EFEMP1: variants seen among roughly 807,000 people sequenced by gnomAD.
EFEMP1 encodes the protein EGF-like fibulin extracellular matrix protein 1, also known as EGF-containing fibulin-like extracellular matrix protein 1.
In EFEMP1, 18 loss-of-function variants were observed where a neutral mutation model predicts 65.7. The observed-to-expected ratio is 0.27, with a 90% CI of 0.19 to 0.41. The LOEUF is 0.41. Ranked by LOEUF, EFEMP1 falls within the 10% of genes least tolerant of loss-of-function variation. The pLI is 1.00. For missense variants in EFEMP1, 469 were observed against 624.8 expected, an observed-to-expected ratio of 0.75 and a Z score of 2.66; for synonymous variants, 237 against 219.7, an observed-to-expected ratio of 1.08 and a Z score of -0.70.
chr2:55,909,140 G>C (rs1670389051), intron 5 of EFEMP1, among the ~76,000 whole-genome samples: 2 of 152,040 alleles, frequency 1.3e-5, no homozygotes, highest in Admixed American at 1.3e-4. Context: ...ATTTATAGTT[G>C]GGAAATATAC....
intron 7 of EFEMP1, among the ~76,000 whole-genome samples, 196 bp from the exon 8 acceptor site, chr2:55,876,938 A>G (rs1360808048): frequency 6.6e-6 from 1 of 152,128 alleles, no homozygotes; most frequent in Non-Finnish European, 1.5e-5. Flanking sequence ...TGTTGGAACA[A>G]CTACAAACGT....
chr2:55,887,065 A>T (rs1157933461), intron 5 of EFEMP1, among the ~76,000 whole-genome samples: 1 of 152,178 alleles, frequency 6.6e-6, no homozygotes, highest in Non-Finnish European at 1.5e-5. Flanking sequence ...TTGATTGGGA[A>T]GGCAGAATTA....
intron 5 of EFEMP1, among the ~76,000 whole-genome samples, chr2:55,910,577 A>G (rs956857018): frequency 2.0e-5 from 3 of 152,200 alleles, no homozygotes; most frequent in Non-Finnish European, 4.4e-5. Flanking sequence ...GGATAAATAA[A>G]TAATGAGCCA....
intron 5 of EFEMP1, among the ~76,000 whole-genome samples, chr2:55,902,771 C>T (rs1357278233): frequency 6.6e-6 from 1 of 152,208 alleles, no homozygotes; most frequent in Non-Finnish European, 1.5e-5. Context: ...AATGCACCTG[C>T]ATTCTTCCCA....
chr2:55,906,547 T>G (rs1385270654), intron 5 of EFEMP1, among the ~76,000 whole-genome samples: 4 of 148,544 alleles, frequency 2.7e-5, no homozygotes, highest in Admixed American at 2.7e-4. Flanking sequence ...TTTACCAGCT[T>G]GTATGGGAGG....
intron 5 of EFEMP1, among the ~76,000 whole-genome samples, chr2:55,914,128 T>G (rs1180876921): frequency 2.6e-5 from 4 of 152,128 alleles, no homozygotes; most frequent in African/African-American, 9.7e-5. Flanking sequence ...GAGTATCTGT[T>G]GTCTTTGAGG....
chr2:55,918,689 TTCTC>T (rs1232870668), intron 3 of EFEMP1, among the ~76,000 whole-genome samples: 2 of 117,056 alleles, frequency 1.7e-5, no homozygotes, highest in African/African-American at 6.6e-5. Context: ...CCCTGGACTC[TTCTC>T]TCTCTCTCTA....
At chr2:55,898,040 A>C (rs1444007234) in intron 5 of EFEMP1, among the ~76,000 whole-genome samples, 1 of 152,172 alleles carries the variant, frequency 6.6e-6, no homozygotes, top group East Asian at 1.9e-4. Flanking sequence ...GACTGTTTAG[A>C]CATAGTTTAT....
chr2:55,878,917 A>C (rs1669136052), intron 6 of EFEMP1, among the ~76,000 whole-genome samples: 2 of 152,202 alleles, frequency 1.3e-5, no homozygotes. Flanking sequence ...ATAAGCTGCA[A>C]GATATATTTG....
At chr2:55,893,009 T>C (rs1224525164) in intron 5 of EFEMP1, among the ~76,000 whole-genome samples, 3 of 152,156 alleles carry the variant, frequency 2.0e-5, no homozygotes, top group South Asian at 2.1e-4. Context: ...TTTTTTCCCC[T>C]AGAAATGTAA....
Position 55,919,143 on chromosome 2 carries a change from A to G in EFEMP1, c.82-876T>C, listed in dbSNP as rs1670819462. ...GTGAATGTGGGAATTCTAGGAAGAG[A>G]GGCTATTGTGACAAAGGCATAAAAT... On this transcript the variant is annotated intron_variant, in intron 3 of 11. Transcript: ENST00000355426. The surrounding 1 kb of genome is among the most constrained non-coding windows in gnomAD (Gnocchi z 4.5). Among the ~76,000 whole-genome samples the G allele has an allele frequency of 6.6e-6, 1 of 152,138 alleles. No individual in the cohort carries two copies. The highest frequency in any genetic ancestry group is 2.1e-4 in the South Asian group (1 of 4,832).
At chr2:55,882,803 G>T (rs1164971105) in intron 5 of EFEMP1, among the ~76,000 whole-genome samples, 1 of 152,004 alleles carries the variant, frequency 6.6e-6, no homozygotes, top group East Asian at 1.9e-4. Flanking sequence ...CCACAGTGAT[G>T]ATTTAAGACC....
intron 8 of EFEMP1, among the ~76,000 whole-genome samples, chr2:55,876,233 G>T (rs1669031067): frequency 6.6e-6 from 1 of 152,004 alleles, no homozygotes; most frequent in East Asian, 1.9e-4. Context: ...AAACTTAAAT[G>T]TGCACACCAG....
At chr2:55,875,741 G>A (rs551227011) in intron 8 of EFEMP1, among the ~76,000 whole-genome samples, 75 of 152,242 alleles carry the variant, frequency 4.9e-4, no homozygotes, top group South Asian at 8.3e-4. Context: ...AGCTTTGAAT[G>A]CCAAGTCCCC....
chr2:55,888,036 C>T (rs1473346816), intron 5 of EFEMP1, among the ~76,000 whole-genome samples: 1 of 152,172 alleles, frequency 6.6e-6, no homozygotes, highest in Non-Finnish European at 1.5e-5. Flanking sequence ...AGTTCATGAA[C>T]ATGGGGAAGA....
At chr2:55,918,665 C>T (rs1484646965) in intron 3 of EFEMP1, among the ~76,000 whole-genome samples, 2 of 149,588 alleles carry the variant, frequency 1.3e-5, no homozygotes, top group African/African-American at 5.0e-5. Flanking sequence ...TCCCCCGCCC[C>T]CACCCCCAAC....
chr2:55,876,766 A>ATATATG (rs1325969465), intron 7 of EFEMP1, 24 bp from the exon 8 acceptor site: 1 of 1,389,158 alleles, frequency 7.2e-7, no homozygotes, highest in Non-Finnish European at 9.8e-7. Context: ...TTATATATAT[A>ATATATG]TATATGTATA....
intron 5 of EFEMP1, among the ~76,000 whole-genome samples, chr2:55,887,903 C>G (rs532873369): frequency 6.6e-6 from 1 of 152,284 alleles, no homozygotes; most frequent in East Asian, 1.9e-4. Flanking sequence ...AAAAATCATG[C>G]TACTTCGAAT....
rs1669389632 is a variant in EFEMP1 at position 55,885,419 on chromosome 2, TAG to T, written c.518-3687_518-3686del. 6.6e-6 allele frequency among the ~76,000 whole-genome samples: 1 copy of T among 152,210 alleles called. No homozygotes were observed. The highest frequency in any genetic ancestry group is 6.5e-5 in the Admixed American group (1 of 15,280). ...AAATTCAAGGCCTTAAAGGCAGGAT[TAG>T]AGAGTCTGGATTGAACAACATAAGG... On this transcript the variant is annotated intron_variant, in intron 5 of 11. Transcript: ENST00000355426. This position sits in a 1 kb window ranked among gnomAD's most constrained non-coding sequence, Gnocchi z 4.3.
Sources: allele counts gnomAD v4.1 joint callset (sites outside exome capture counted in the v4.1 genomes callset), GRCh38; gene constraint gnomAD v4.1.1; non-coding constraint Gnocchi (gnomAD v3.1); transcripts MANE v1.5; gene names NCBI Gene and HGNC (gene_info 2026-07-23, HGNC 2026-07-21).